The following SLC71A2 variants were observed in gnomAD, a reference collection of about 807,000 sequenced individuals.
SLC71A2 encodes solute carrier family 71 member 2.
chr9:94,403,998 A>G, the SLC71A2 span, among the ~76,000 whole-genome samples: 1 of 152,174 alleles, frequency 6.6e-6, no homozygotes, highest in Non-Finnish European at 1.5e-5. Flanking sequence ...TAATGCTGCT[A>G]TTAAAAAGGG....
the SLC71A2 span, among the ~76,000 whole-genome samples, chr9:94,379,977 C>A: frequency 1.3e-5 from 2 of 152,096 alleles, no homozygotes; most frequent in Admixed American, 1.3e-4. Context: ...TTTGAAATTT[C>A]TCAGTTTCAG....
chr9:94,376,325 G>A, the SLC71A2 span, among the ~76,000 whole-genome samples: 5 of 150,866 alleles, frequency 3.3e-5, no homozygotes, highest in Non-Finnish European at 7.4e-5. Context: ...ACAGATTTTA[G>A]GTTTTTATCC....
At chr9:94,398,433 A>G in the SLC71A2 span, among the ~76,000 whole-genome samples, 9 of 152,140 alleles carry the variant, frequency 5.9e-5, no homozygotes, top group African/African-American at 1.9e-4. Flanking sequence ...TTATATGTCT[A>G]CCTGTAAGTG....
At chr9:94,382,507 G>A in the SLC71A2 span, among the ~76,000 whole-genome samples, 1 of 151,866 alleles carries the variant, frequency 6.6e-6, no homozygotes, top group African/African-American at 2.4e-5. Flanking sequence ...TCTCTAGGCC[G>A]TGGTCCATCT....
At chr9:94,429,775 G>T in the SLC71A2 span, among the ~76,000 whole-genome samples, 2 of 151,872 alleles carry the variant, frequency 1.3e-5, no homozygotes, top group African/African-American at 4.8e-5. Flanking sequence ...CAGCGGTGCT[G>T]CATTTACTCC....
chr9:94,394,146 A>G, the SLC71A2 span, among the ~76,000 whole-genome samples: 2 of 135,228 alleles, frequency 1.5e-5, no homozygotes, highest in Non-Finnish European at 3.2e-5. Context: ...AATTGTTTGA[A>G]AAGTTGTGAA....
chr9:94,433,484 C>CT, the SLC71A2 span, among the ~76,000 whole-genome samples: 1 of 150,840 alleles, frequency 6.6e-6, no homozygotes, highest in African/African-American at 2.5e-5. Flanking sequence ...ACCAGCCTGA[C>CT]CAACATCGAG....
chr9:94,441,620 G>A, the SLC71A2 span, among the ~76,000 whole-genome samples: 11 of 152,236 alleles, frequency 7.2e-5, no homozygotes. Flanking sequence ...GGAGCGTTAA[G>A]CAGTCAAGTT....
the SLC71A2 span, among the ~76,000 whole-genome samples, chr9:94,431,308 G>A: frequency 1.9e-4 from 27 of 139,652 alleles, no homozygotes; most frequent in African/African-American, 2.5e-4. Flanking sequence ...GCGAGACTCC[G>A]TCTCAAAAAA....
chr9:94,417,849 TCCCACCCCACCC>T, the SLC71A2 span, among the ~76,000 whole-genome samples: 250 of 51,590 alleles, frequency 4.8e-3, 11 homozygotes, highest in Middle Eastern at 0.02. Context: ...ATAGGCAAGT[TCCCACCCCACCC>T]CCCCCCCCCC....
the SLC71A2 span, among the ~76,000 whole-genome samples, chr9:94,378,729 CA>C: frequency 6.6e-6 from 1 of 152,196 alleles, no homozygotes; most frequent in South Asian, 2.1e-4. Flanking sequence ...AAACAGCTGC[CA>C]CTAGACCCCA....
chr9:94,436,208 G>A, the SLC71A2 span, among the ~76,000 whole-genome samples: 3 of 152,008 alleles, frequency 2.0e-5, no homozygotes, highest in Non-Finnish European at 4.4e-5. Context: ...TACAGATACG[G>A]AGCCTCCATA....
At chr9:94,451,897 C>G in the SLC71A2 span, among the ~76,000 whole-genome samples, 3 of 152,262 alleles carry the variant, frequency 2.0e-5, no homozygotes, top group Non-Finnish European at 4.4e-5. Flanking sequence ...CTCCTCAGCT[C>G]AGGGGCCCTG....
the SLC71A2 span, among the ~76,000 whole-genome samples, chr9:94,399,456 TC>T: frequency 6.6e-6 from 1 of 152,208 alleles, no homozygotes; most frequent in African/African-American, 2.4e-5. Flanking sequence ...TGTAAGTATT[TC>T]CATTTGTGAC....
the SLC71A2 span, among the ~76,000 whole-genome samples, chr9:94,450,188 G>A: frequency 1.3e-5 from 2 of 152,172 alleles, no homozygotes; most frequent in Non-Finnish European, 2.9e-5. Context: ...TTAAATGGGT[G>A]AATTGTATGG....
the SLC71A2 span, among the ~76,000 whole-genome samples, chr9:94,403,250 C>A: frequency 6.6e-6 from 1 of 152,168 alleles, no homozygotes; most frequent in African/African-American, 2.4e-5. Context: ...GATTCTCTTG[C>A]CTCAGCCTCT....
At chr9:94,445,066 G>T in the SLC71A2 span, 1 of 1,614,224 alleles carries the variant, frequency 6.2e-7, no homozygotes, top group Admixed American at 1.7e-5. Context: ...GGCCACAGTG[G>T]TGGCTCTTCT....
the SLC71A2 span, among the ~76,000 whole-genome samples, chr9:94,410,684 AAAG>A: frequency 6.6e-6 from 1 of 152,250 alleles, no homozygotes; most frequent in African/African-American, 2.4e-5. Flanking sequence ...TAATCATAGG[AAAG>A]AAGCTCAGCT....
the SLC71A2 span, among the ~76,000 whole-genome samples, chr9:94,434,918 A>G: frequency 6.6e-6 from 1 of 152,156 alleles, no homozygotes; most frequent in African/African-American, 2.4e-5. Flanking sequence ...AACTCTAACT[A>G]TTATACATAC....
Sources: gnomAD v4.1 joint callset for allele counts (sites outside exome capture counted in the v4.1 genomes callset) on GRCh38, gnomAD v4.1.1 for gene constraint, MANE v1.5 for transcripts, NCBI Gene and HGNC (gene_info 2026-07-23, HGNC 2026-07-21) for gene names.